KIF2C: variants seen among roughly 807,000 people sequenced by gnomAD.
KIF2C encodes the protein kinesin-like protein KIF2C.
In KIF2C, 34 loss-of-function variants were observed where a neutral mutation model predicts 97.4. The ratio of observed to expected loss-of-function variants is 0.35; its 90% CI spans 0.27 to 0.46. The LOEUF (loss-of-function observed/expected upper bound fraction) is 0.46. Ranked by LOEUF, KIF2C falls within the 20% of genes least tolerant of loss-of-function variation. The probability of loss-of-function intolerance (pLI) is 1.00; values close to 1 mark genes in which losing one functional copy is unlikely to be tolerated. For missense variants in KIF2C, 750 were observed against 907.6 expected, an observed-to-expected ratio of 0.83 and a Z score of 2.23; for synonymous variants, 313 against 318.2, an observed-to-expected ratio of 0.98 and a Z score of 0.17.
chr1:44,753,864 T>G, intron 7 of KIF2C, 31 bp downstream of exon 7: 9 of 1,413,932 alleles, frequency 6.4e-6, no homozygotes, highest in Non-Finnish European at 8.8e-6. Flanking sequence ...GGGTAAGGGT[T>G]TTTGGACAGG....
In KIF2C at chr1:44,756,362, C is replaced by T; in HGVS notation, c.977+125C>T. On this transcript the variant is annotated intron_variant, in intron 10 of 20. Coordinates refer to ENST00000372224, the MANE Select transcript of KIF2C (RefSeq NM_006845.4). ...GGCTCTTCCTCGCTTCTTGTGTTTTCTTTGGGTCACACCCTTTGGCAGCTT... is the reference window on the plus strand; with the variant it reads ...GGCTCTTCCTCGCTTCTTGTGTTTTTTTTGGGTCACACCCTTTGGCAGCTT... 3.0e-6 allele frequency: 3 copies of T among 1,015,598 alleles called. No individual in the cohort carries two copies. The East Asian group carries it at 7.2e-5, about 24-fold the overall frequency. 62.9% of individuals were successfully genotyped at this position (1,015,598 alleles called of 1,614,324 possible).
At chr1:44,740,560 A>G (rs1368018398) in intron 1 of KIF2C, among the ~76,000 whole-genome samples, 2 of 152,178 alleles carry the variant, frequency 1.3e-5, no homozygotes, top group African/African-American at 4.8e-5. Context: ...CCTCAATGCT[A>G]TGTTGAGGAA....
chr1:44,757,434 G>A (rs1649904102), intron 10 of KIF2C, 122 bp from the exon 11 acceptor site: 4 of 688,216 alleles, frequency 5.8e-6, no homozygotes, highest in Non-Finnish European at 1.0e-5. Context: ...CACTGAGGCA[G>A]GAGAGGAGTG....
intron 8 of KIF2C, among the ~76,000 whole-genome samples, chr1:44,755,157 C>T (rs990218388): frequency 6.6e-6 from 1 of 152,156 alleles, no homozygotes; most frequent in African/African-American, 2.4e-5. Context: ...AGGGTTTCAC[C>T]ATGTTGCCCA....
At chr1:44,763,265 A>T (rs947413212) in intron 19 of KIF2C, among the ~76,000 whole-genome samples, 1 of 152,210 alleles carries the variant, frequency 6.6e-6, no homozygotes, top group African/African-American at 2.4e-5. Flanking sequence ...ACTGTGGAAG[A>T]GCAAGTGACT....
At chr1:44,762,710 GC>G (rs1346943249) in intron 19 of KIF2C, 52 bp downstream of exon 19, 1 of 1,156,282 alleles carries the variant, frequency 8.6e-7, no homozygotes, top group African/African-American at 1.5e-5. Flanking sequence ...CCCTCAGTAT[GC>G]TCCACACCAT....
chr1:44,767,155 A>G lies in KIF2C; in HGVS notation c.2154A>G (p.Ile718Met). The change falls in exon 21 of 21, where the codon ATA becomes ATG. Residue 718 changes from isoleucine to methionine, a missense_variant. Transcript: ENST00000372224. The stretch of plus-strand genomic sequence containing the variant: ...TGGAAGAGCAGGCTAGCAGACAAAT[A>G]AGCAGCAAGAAACGGCCCCAGTGAC... ...MQLEEQASRQ[I>M]SSKKRPQ The G allele has an allele frequency of 6.2e-7, 1 of 1,614,144 alleles. No homozygotes were observed. The highest frequency in any genetic ancestry group is 1.6e-4 in the Middle Eastern group (1 of 6,062).
chr1:44,758,167 C>G (rs1162466710), intron 13 of KIF2C, 27 bp downstream of exon 13: 1 of 1,594,716 alleles, frequency 6.3e-7, no homozygotes, highest in East Asian at 2.2e-5. Flanking sequence ...CCCTTGTTTA[C>G]ACTGTTGGGG....
chr1:44,744,825 G>A (rs796941449), intron 2 of KIF2C, among the ~76,000 whole-genome samples: 6 of 152,170 alleles, frequency 3.9e-5, no homozygotes, highest in Middle Eastern at 3.4e-3. Context: ...GCTTGAACCC[G>A]GGAGGTGGAG....
chr1:44,755,563 C>A (rs779505559), intron 8 of KIF2C, among the ~76,000 whole-genome samples: 1 of 152,218 alleles, frequency 6.6e-6, no homozygotes, highest in Non-Finnish European at 1.5e-5. Context: ...CATGCCCAGC[C>A]GAGGTTATTT....
rs755544697 is a variant in KIF2C, at chr1:44,762,389, T to C, written c.1795T>C (p.Leu599=). ...CCACAGTGGGCCCAGTGGAGAGCAG[T>C]TGATTCAAATGGAAACAGAAGAGAT... is the stretch of plus-strand genomic sequence containing the variant. The part of the protein sequence containing the change: ...SPHSGPSGEQ[L]IQMETEEMEA... The change falls in exon 18 of 21, where the codon TTG becomes CTG. Residue 599 remains leucine (L), a synonymous_variant. Transcript: ENST00000372224. 1.1e-5 allele frequency: 17 copies of C among 1,613,958 alleles called. No individual in the cohort carries two copies. The South Asian group carries it at 1.3e-4, about 13-fold the overall frequency.
In KIF2C at chr1:44,753,162, T is replaced by C. The variant is rs558118207; in HGVS notation, c.470T>C (p.Val157Ala). 65 of 1,613,626 alleles carry C rather than the reference T, an allele frequency of 4.0e-5. No homozygotes were observed. Among genetic ancestry groups the C allele is most frequent in the Non-Finnish European group, 5.3e-5 (62 of 1,179,832 alleles). ...PAPTRPSCPAVAEIPLRMVSE... is the reference protein window; with the variant it reads ...PAPTRPSCPAAAEIPLRMVSE... The stretch of plus-strand genomic sequence containing the variant: ...CCCACTAGGCCTTCCTGCCCTGCAG[T>C]GGCTGAAATACCATTGAGGATGGTC... Residue 157 changes from valine (V) to alanine (A), a missense_variant, in exon 6 of 21, where the codon GTG becomes GCG. By Grantham distance (64) the Val-to-Ala change is moderately conservative. Transcript: ENST00000372224.
intron 4 of KIF2C, among the ~76,000 whole-genome samples, chr1:44,749,489 C>G (rs6695670): frequency 0.085 from 12,894 of 151,808 alleles, 1,886 homozygotes; most frequent in African/African-American, 0.3. Context: ...TGATGGCTCA[C>G]ACCTGTAAGC....
intron 4 of KIF2C, among the ~76,000 whole-genome samples, chr1:44,749,589 A>G (rs1470074641): frequency 6.6e-6 from 1 of 152,126 alleles, no homozygotes. Context: ...CAGTCTTATT[A>G]TAAAAATAAA....
intron 17 of KIF2C, 139 bp downstream of exon 17, chr1:44,762,122 C>G: frequency 1.1e-6 from 1 of 885,758 alleles, no homozygotes; most frequent in Non-Finnish European, 1.9e-6. Context: ...TTGGGAGTTC[C>G]GCCGTGATGC....
In KIF2C at chr1:44,747,443, T is replaced by A. The variant is rs774042113; in HGVS notation, c.225T>A (p.His75Gln). ...NPELLQLLPL[H>Q]PKDNLPLQEN... Reference sequence around the variant, plus strand: ...AACTCTTACAGCTTCTTCCCTTACATCCGAAGGACAATCTGCCCTTGCAGG... The same window carrying A: ...AACTCTTACAGCTTCTTCCCTTACAACCGAAGGACAATCTGCCCTTGCAGG... The change falls in exon 3 of 21, where the codon CAT (histidine) becomes CAA (glutamine). Residue 75 changes from histidine (H) to glutamine (Q), a missense_variant. Transcript: ENST00000372224. 6.2e-7 allele frequency: 1 copy of A among 1,610,028 alleles called. No individual in the cohort carries two copies. The highest frequency in any genetic ancestry group is 1.1e-5 in the South Asian group (1 of 89,560).
chr1:44,752,815 C>T (rs1649598659), intron 5 of KIF2C, among the ~76,000 whole-genome samples: 2 of 152,224 alleles, frequency 1.3e-5, no homozygotes, highest in Admixed American at 6.5e-5. Flanking sequence ...TCCCTAAGAC[C>T]AGACCTGGCC....
chr1:44,740,047 G>A (rs527879152), intron 1 of KIF2C, 45 bp downstream of exon 1: 27 of 1,611,710 alleles, frequency 1.7e-5, no homozygotes, highest in African/African-American at 1.3e-4. Context: ...TGAGCGGTGA[G>A]ACGACTGAAA....
intron 13 of KIF2C, among the ~76,000 whole-genome samples, chr1:44,758,854 C>T (rs867620977): frequency 1.3e-4 from 19 of 151,836 alleles, no homozygotes; most frequent in African/African-American, 4.1e-4. Context: ...CCAGCCTGGG[C>T]GATACGAGCG....
Sources: allele counts gnomAD v4.1 joint callset (sites outside exome capture counted in the v4.1 genomes callset), GRCh38; gene constraint gnomAD v4.1.1; transcripts MANE v1.5; gene names NCBI Gene and HGNC (gene_info 2026-07-23, HGNC 2026-07-21).